The following DACH2 variants were observed in gnomAD, a reference collection of about 807,000 sequenced individuals.
DACH2 encodes the protein dachshund homolog 2.
DACH2 carries 17 observed loss-of-function variants against 35.8 expected under a neutral mutation model. That is an observed-to-expected ratio of 0.48 (90% CI 0.33 to 0.71). The LOEUF is 0.71. Among genes scored for constraint, DACH2 ranks in the 30% least tolerant of loss-of-function variants. The pLI is 0.02. For missense variants in DACH2, 469 were observed against 472.7 expected (o/e 0.99, Z 0.07); for synonymous variants, 195 against 177.3 (o/e 1.10, Z -0.79).
chrX:86,698,519 G>GTGTTT (rs1170511292), intron 5 of DACH2, among the ~76,000 whole-genome samples: 1 of 32,082 alleles, frequency 3.1e-5, no homozygotes, highest in Non-Finnish European at 5.4e-5. Context: ...TGTTAGTTTT[G>GTGTTT]TGTTTTTTTT....
intron 1 of DACH2, among the ~76,000 whole-genome samples, chrX:86,374,253 GC>G (rs975444719): frequency 9.0e-6 from 1 of 111,131 alleles, no homozygotes; most frequent in Non-Finnish European, 1.9e-5. Flanking sequence ...ACATTCACAT[GC>G]CCAAAGTTGG....
At chrX:86,792,539 C>T (rs934495809) in intron 7 of DACH2, among the ~76,000 whole-genome samples, 2 of 111,595 alleles carry the variant, frequency 1.8e-5, no homozygotes, top group African/African-American at 3.2e-5. Context: ...ACACACATAC[C>T]TTTCCCAGCC....
chrX:86,572,353 C>T (rs769936352), intron 3 of DACH2, among the ~76,000 whole-genome samples: 1 of 111,208 alleles, frequency 9.0e-6, no homozygotes, highest in Non-Finnish European at 1.9e-5. Context: ...ATGTTTATTG[C>T]TAGTTTGTTG....
chrX:86,790,655 T>C (rs1220558741), intron 7 of DACH2, among the ~76,000 whole-genome samples: 1 of 111,707 alleles, frequency 9.0e-6, no homozygotes. Flanking sequence ...CAAGGAATCT[T>C]CCACCTTAGC....
chrX:86,167,759 G>A (rs760595443), intron 1 of DACH2, among the ~76,000 whole-genome samples: 9 of 110,980 alleles, frequency 8.1e-5, no homozygotes, highest in Non-Finnish European at 1.5e-4. Context: ...ATTTGTTTCA[G>A]TACAATTTTA....
At chrX:86,471,073 TAAC>T (rs1387665496) in intron 2 of DACH2, among the ~76,000 whole-genome samples, 3 of 111,739 alleles carry the variant, frequency 2.7e-5, no homozygotes, top group African/African-American at 9.7e-5. Flanking sequence ...ATTAAACAGT[TAAC>T]AATTAAACTA....
chrX:86,807,821 G>C (rs1569484496), intron 7 of DACH2, among the ~76,000 whole-genome samples: 2 of 112,263 alleles, frequency 1.8e-5, no homozygotes, highest in Non-Finnish European at 3.8e-5. Flanking sequence ...ATGATTTGCT[G>C]TTTATCTGAA....
chrX:86,223,773 A>G (rs1332190752), intron 1 of DACH2, among the ~76,000 whole-genome samples: 1 of 112,207 alleles, frequency 8.9e-6, no homozygotes, highest in East Asian at 2.8e-4. Context: ...AGAGGAACAG[A>G]GATAGATCTG....
intron 4 of DACH2, among the ~76,000 whole-genome samples, chrX:86,690,220 A>G (rs761358139): frequency 8.9e-6 from 1 of 111,755 alleles, no homozygotes; most frequent in Admixed American, 9.6e-5. Flanking sequence ...ACCCATTTGA[A>G]ACATTTTGGT....
chrX:86,394,880 T>C (rs2036257992), intron 2 of DACH2, among the ~76,000 whole-genome samples: 1 of 111,937 alleles, frequency 8.9e-6, no homozygotes, highest in Non-Finnish European at 1.9e-5. Flanking sequence ...ACATTCTTAC[T>C]TGTCTTTTGC....
chrX:86,469,010 A>G (rs1357821751), intron 2 of DACH2, among the ~76,000 whole-genome samples: 4 of 111,556 alleles, frequency 3.6e-5, no homozygotes, highest in Non-Finnish European at 5.7e-5. Flanking sequence ...ACAATGTAAT[A>G]CTCTTTGACC....
chrX:86,618,488 G>A (rs760296496), intron 3 of DACH2, among the ~76,000 whole-genome samples: 1 of 111,624 alleles, frequency 9.0e-6, no homozygotes, highest in Non-Finnish European at 1.9e-5. Context: ...CATAGTAGGT[G>A]TTCATAATAT....
At chrX:86,394,979 G>A (rs191872074) in intron 2 of DACH2, among the ~76,000 whole-genome samples, 130 of 111,742 alleles carry the variant, frequency 1.2e-3, no homozygotes, top group African/African-American at 3.9e-3. Context: ...TTACATGGCC[G>A]TCATCCCTAC....
chrX:86,235,981 A>G, intron 1 of DACH2, among the ~76,000 whole-genome samples: 1 of 111,143 alleles, frequency 9.0e-6, no homozygotes, highest in Non-Finnish European at 1.9e-5. Context: ...TGAAAATACA[A>G]AACTAGCTGG....
At chrX:86,689,229 G>C (rs753796258) in intron 4 of DACH2, among the ~76,000 whole-genome samples, 2 of 109,205 alleles carry the variant, frequency 1.8e-5, no homozygotes, top group Non-Finnish European at 3.8e-5. Flanking sequence ...TGATGTCACC[G>C]GTCTGATAAA....
chrX:86,626,165 T>C (rs2040135057), intron 3 of DACH2, among the ~76,000 whole-genome samples: 1 of 112,373 alleles, frequency 8.9e-6, no homozygotes, highest in Admixed American at 9.4e-5. Context: ...AAAACACACA[T>C]TCCAAATGGG....
intron 1 of DACH2, among the ~76,000 whole-genome samples, chrX:86,366,556 A>G (rs1348940291): frequency 9.0e-6 from 1 of 111,386 alleles, no homozygotes. Flanking sequence ...ATGAGATTGT[A>G]TCATTCCTAA....
chrX:86,774,115 C>A (rs2042010305), intron 7 of DACH2, among the ~76,000 whole-genome samples: 1 of 111,756 alleles, frequency 8.9e-6, no homozygotes, highest in Admixed American at 9.5e-5. Context: ...ATGAAATTCC[C>A]TTTTGAAAAC....
intron 3 of DACH2, among the ~76,000 whole-genome samples, chrX:86,632,139 G>C (rs190600945): frequency 2.7e-5 from 3 of 110,964 alleles, no homozygotes; most frequent in Admixed American, 9.6e-5. Flanking sequence ...GTATCTCTGC[G>C]AATCCATTTT....
Sources: allele counts gnomAD v4.1 joint callset (sites outside exome capture counted in the v4.1 genomes callset), GRCh38; gene constraint gnomAD v4.1.1; transcripts MANE v1.5; gene names NCBI Gene and HGNC (gene_info 2026-07-23, HGNC 2026-07-21).